Variants in IRF8 observed in about 807,000 individuals in gnomAD.
IRF8 encodes interferon regulatory factor 8.
In IRF8, 14 loss-of-function variants were observed where a neutral mutation model predicts 48.7. The observed-to-expected ratio is 0.29, with a 90% CI of 0.19 to 0.45. IRF8 has a LOEUF of 0.45. Among genes scored for constraint, IRF8 ranks in the 20% least tolerant of loss-of-function variants. The pLI, the probability that IRF8 is intolerant of heterozygous loss-of-function variation, is 1.00. For missense variants in IRF8, 493 were observed against 580.7 expected (o/e 0.85, Z 1.55); for synonymous variants, 278 against 227.3 (o/e 1.22, Z -2.01).
intron 2 of IRF8, among the ~76,000 whole-genome samples, chr16:85,907,292 T>C (rs1391076007): frequency 6.6e-6 from 1 of 152,198 alleles, no homozygotes; most frequent in Non-Finnish European, 1.5e-5. Flanking sequence ...TCTGGGCTAT[T>C]TTAAAGGAGC....
At chr16:85,914,196 A>T in intron 5 of IRF8, 1 of 499,728 alleles carries the variant, frequency 2.0e-6, no homozygotes, top group Non-Finnish European at 3.7e-6. Flanking sequence ...TGGGAAGGAA[A>T]TGTGGCCCCA....
chr16:85,910,951 G>A (rs79334782), intron 3 of IRF8, among the ~76,000 whole-genome samples: 3 of 152,208 alleles, frequency 2.0e-5, no homozygotes, highest in East Asian at 1.9e-4. Flanking sequence ...CTGAGGAAGC[G>A]GCATGAGAAG....
intron 4 of IRF8, 33 bp downstream of exon 4, chr16:85,911,691 C>T (rs1905148986): frequency 6.3e-7 from 1 of 1,580,888 alleles, no homozygotes; most frequent in Non-Finnish European, 8.7e-7. Context: ...GGGTCTGGCC[C>T]TGCCAGGAGG....
intron 3 of IRF8, chr16:85,909,614 G>A (rs1161723580): frequency 4.3e-6 from 1 of 235,120 alleles, no homozygotes; most frequent in Admixed American, 5.2e-5. Context: ...GATGGGATAT[G>A]CCTCAGTGTG....
At chr16:85,919,119 C>T (rs1905440859) in intron 7 of IRF8, among the ~76,000 whole-genome samples, 1 of 152,066 alleles carries the variant, frequency 6.6e-6, no homozygotes, top group Admixed American at 6.5e-5. Flanking sequence ...AAGGATGGTC[C>T]CTGAGCGCTG....
chr16:85,908,503 A>T (rs559650935), intron 2 of IRF8, among the ~76,000 whole-genome samples: 7 of 152,364 alleles, frequency 4.6e-5, no homozygotes, highest in African/African-American at 1.7e-4. Context: ...TTTCTATTAA[A>T]AGTAACAGGG....
In IRF8 at chr16:85,903,104, A is replaced by G. The variant is rs779381872; in HGVS notation, c.89A>G (p.Asn30Ser). The G allele has an allele frequency of 6.2e-7, 1 of 1,614,186 alleles. No individual in the cohort carries two copies. The highest frequency in any genetic ancestry group is 8.5e-7 in the Non-Finnish European group (1 of 1,180,010). The change falls in exon 2 of 9, where the codon AAT becomes AGT. Residue 30 changes from asparagine (N) to serine (S), a missense_variant. Around this residue, in one of 3 missense-constraint regions of IRF8, gnomAD observed 54 missense variants for 59.9 expected, o/e 0.90. Transcript: ENST00000268638. ...ATGTATCCAGGACTGATTTGGGAGA[A>G]TGAGGAGAAGAGCATGTTCCGGATC... Reference protein sequence around the residue: ...SSMYPGLIWENEEKSMFRIPW... With the variant: ...SSMYPGLIWESEEKSMFRIPW...
intron 5 of IRF8, chr16:85,914,064 T>C: frequency 3.8e-6 from 1 of 265,140 alleles, no homozygotes; most frequent in Non-Finnish European, 7.4e-6. Context: ...GAAAGGCACC[T>C]CTGTCTGTGC....
chr16:85,920,357 C>T (rs1050840265), intron 8 of IRF8, 133 bp downstream of exon 8: 26 of 653,918 alleles, frequency 4.0e-5, no homozygotes, highest in African/African-American at 3.7e-4. Context: ...AGTGATTCTC[C>T]TGCCTCAGCC....
Position 85,921,179 on chromosome 16 carries a change from C to A in IRF8, c.1178C>A (p.Ala393Asp), listed in dbSNP as rs1283912318. The A allele has an allele frequency of 4.3e-6, 7 of 1,614,134 alleles. No individual in the cohort carries two copies. The highest frequency in any genetic ancestry group is 4.5e-5 in the East Asian group (2 of 44,886). The change falls in exon 9 of 9, where the codon GCC becomes GAC. Residue 393 changes from alanine to aspartate, a missense_variant. This residue lies in a region of IRF8 where 408 missense variants were observed against 449.6 expected (regional missense o/e 0.91). Transcript: ENST00000268638. Reference protein sequence around the residue: ...KSCGAGSVMQAPEEPPPDQVF... With the variant: ...KSCGAGSVMQDPEEPPPDQVF... The stretch of plus-strand genomic sequence containing the variant: ...TGTGGAGCCGGCTCTGTGATGCAGG[C>A]CCCCGAGGAGCCGCCGCCAGACCAG...
chr16:85,918,411 C>A lies in IRF8; in HGVS notation c.602-6C>A, dbSNP rs200999470. On this transcript the variant is annotated splice_polypyrimidine_tract_variant and splice_region_variant and intron_variant, in intron 6 of 8. Coordinates refer to ENST00000268638, the MANE Select transcript of IRF8 (RefSeq NM_002163.4). ...AGCACCGTCATCGTGTCCCTCTTGTCCACAGCATTCTCCCAGATGGTGATC... is the reference window on the plus strand; with the variant it reads ...AGCACCGTCATCGTGTCCCTCTTGTACACAGCATTCTCCCAGATGGTGATC... 94 of 1,594,808 alleles carry A rather than the reference C, an allele frequency of 5.9e-5. No individual in the cohort carries two copies. The highest frequency in any genetic ancestry group is 5.9e-5 in the Non-Finnish European group (69 of 1,178,368).
rs1905240962 is a variant in IRF8 at position 85,914,533 on chromosome 16, C to A, written c.601+13C>A. On this transcript the variant is annotated intron_variant, in intron 6 of 8. Coordinates refer to ENST00000268638, the MANE Select transcript of IRF8 (RefSeq NM_002163.4). ...GCGCACCATTCAGGTACGGGGTGGTCCGGGCTGAGAGGGGCGTGGGCACTG... is the reference window on the plus strand; with the variant it reads ...GCGCACCATTCAGGTACGGGGTGGTACGGGCTGAGAGGGGCGTGGGCACTG... 3 of 1,613,960 alleles carry A rather than the reference C, an allele frequency of 1.9e-6. No homozygotes were observed. Among genetic ancestry groups the A allele is most frequent in the South Asian group, 1.1e-5 (1 of 91,062 alleles).
chr16:85,913,280 G>C (rs536881645), intron 5 of IRF8, 44 bp downstream of exon 5: 2 of 1,378,374 alleles, frequency 1.5e-6, no homozygotes, highest in Admixed American at 3.3e-5. Flanking sequence ...ATGGCCTGAA[G>C]GGTTTACGGC....
rs1371015233 is a variant in IRF8 at position 85,921,606 on chromosome 16, T to C, written c.*324T>C. On this transcript the variant is annotated 3_prime_UTR_variant, in exon 9 of 9. Coordinates refer to ENST00000268638, the MANE Select transcript of IRF8 (RefSeq NM_002163.4). ...GTTAACTATCATTTCCAAAGACTTG[T>C]CATTCAGTAATATTAGCAGATAGCT... 2.7e-6 allele frequency: 1 copy of C among 371,270 alleles called. No homozygotes were observed. Among genetic ancestry groups the C allele is most frequent in the Non-Finnish European group, 5.1e-6 (1 of 197,082 alleles). The allele number at this position is 371,270 out of a possible 1,614,324, so 23.0% of individuals were successfully genotyped here. A position where few individuals can be genotyped will look rare whatever the true frequency, so the allele number is the denominator to read the frequency against.
Position 85,918,469 on chromosome 16 carries a change from G to C in IRF8, c.654G>C (p.Gln218His), listed in dbSNP as rs780940426. 5 of 1,590,904 alleles carry C rather than the reference G, an allele frequency of 3.1e-6. No homozygotes were observed. The highest frequency in any genetic ancestry group is 4.3e-6 in the Non-Finnish European group (5 of 1,175,276). The change falls in exon 7 of 9, where the codon CAG (glutamine) becomes CAC (histidine). Residue 218 changes from glutamine (Q) to histidine (H), a missense_variant. Around this residue, in one of 3 missense-constraint regions of IRF8, gnomAD observed 408 missense variants for 449.6 expected, o/e 0.91. Coordinates refer to ENST00000268638, the MANE Select transcript of IRF8 (RefSeq NM_002163.4). ...SFYYGGKLVGQATTTCPEGCR... is the reference protein window; with the variant it reads ...SFYYGGKLVGHATTTCPEGCR... Reference sequence around the variant, plus strand: ...ACTATGGGGGCAAGCTGGTGGGCCAGGCCACCACCACCTGCCCCGAGGGCT... The same window carrying C: ...ACTATGGGGGCAAGCTGGTGGGCCACGCCACCACCACCTGCCCCGAGGGCT...
intron 2 of IRF8, among the ~76,000 whole-genome samples, chr16:85,906,198 A>T (rs998417284): frequency 4.6e-5 from 7 of 152,186 alleles, no homozygotes; most frequent in Non-Finnish European, 8.8e-5. Context: ...GCATTTAATT[A>T]AAAAAATGCA....
chr16:85,910,041 T>G (rs1905101915), intron 3 of IRF8, among the ~76,000 whole-genome samples: 1 of 152,186 alleles, frequency 6.6e-6, no homozygotes. Context: ...TGTGCAGAAG[T>G]TTGAAGTTTG....
chr16:85,911,663 G>A lies in IRF8; in HGVS notation c.447+5G>A. 6.2e-7 allele frequency: 1 copy of A among 1,612,232 alleles called. No homozygotes were observed. Among genetic ancestry groups the A allele is most frequent in the Non-Finnish European group, 8.5e-7 (1 of 1,178,564 alleles). On this transcript the variant is annotated splice_donor_5th_base_variant and intron_variant, in intron 4 of 8. Coordinates refer to ENST00000268638, the MANE Select transcript of IRF8 (RefSeq NM_002163.4). ...ATCGACGAGCTGATCAAGGAGGTAA[G>A]CAGAGGCAGCATTTCAGGGGTCTGG...
In IRF8 at chr16:85,918,372, G is replaced by A. The variant is rs777551539; in HGVS notation, c.602-45G>A. Reference sequence around the variant, plus strand: ...TGTGCACTTGGGCAGGAGGGACCCTGTATGTCTCCCCGCAGCACCGTCATC... The same window carrying A: ...TGTGCACTTGGGCAGGAGGGACCCTATATGTCTCCCCGCAGCACCGTCATC... On this transcript the variant is annotated intron_variant, in intron 6 of 8. Coordinates refer to ENST00000268638, the MANE Select transcript of IRF8 (RefSeq NM_002163.4). The A allele has an allele frequency of 3.8e-6, 6 of 1,583,872 alleles. No individual in the cohort carries two copies. The South Asian group carries it at 6.8e-5, about 18-fold the overall frequency.
Sources: gnomAD v4.1 joint callset for allele counts (sites outside exome capture counted in the v4.1 genomes callset) on GRCh38, gnomAD v4.1.1 for gene constraint, gnomAD v4.1.1 regional missense constraint, MANE v1.5 for transcripts, NCBI Gene and HGNC (gene_info 2026-07-23, HGNC 2026-07-21) for gene names.